STIL: variants seen among roughly 807,000 people sequenced by gnomAD.
STIL encodes the protein STIL centriolar assembly protein.
In STIL, 55 loss-of-function variants were observed where a neutral mutation model predicts 110.1. That is an observed-to-expected ratio of 0.50 (90% CI 0.40 to 0.63). The LOEUF (loss-of-function observed/expected upper bound fraction) is 0.63. Among genes scored for constraint, STIL ranks in the 20% least tolerant of loss-of-function variants. The pLI is 0.00. For synonymous variants in STIL, 481 were observed against 530.0 expected (o/e 0.91, Z 1.27); for missense variants, 1,358 against 1,530.0 (o/e 0.89, Z 1.87).
intron 16 of STIL, among the ~76,000 whole-genome samples, chr1:47,258,320 C>T (rs913907839): frequency 6.6e-6 from 1 of 152,210 alleles, no homozygotes; most frequent in African/African-American, 2.4e-5. Flanking sequence ...AATGCACATA[C>T]TCTTTGATCC....
Position 47,300,046 on chromosome 1 carries a change from T to C in STIL, c.560A>G (p.Asp187Gly), listed in dbSNP as rs1370438405. 7 of 1,614,014 alleles carry C rather than the reference T, an allele frequency of 4.3e-6. No homozygotes were observed. The Admixed American group carries it at 1.2e-4, about 27-fold the overall frequency. The change falls in exon 6 of 17, where the codon GAC becomes GGC. Residue 187 changes from aspartate to glycine, a missense_variant. Transcript: ENST00000371877. Reference protein sequence around the residue: ...SRESLDSVEFDLHWAAVTLAN... With the variant: ...SRESLDSVEFGLHWAAVTLAN... Reference sequence around the variant, plus strand: ...TAGAGTTACTGCTGCCCAATGCAAGTCAAATTCCACACTGTCCAAACTCTC... The same window carrying C: ...TAGAGTTACTGCTGCCCAATGCAAGCCAAATTCCACACTGTCCAAACTCTC...
At chr1:47,277,841 G>GA (rs200788016) in intron 12 of STIL, among the ~76,000 whole-genome samples, 8 of 150,162 alleles carry the variant, frequency 5.3e-5, no homozygotes, top group African/African-American at 1.7e-4. Context: ...GTGAACAACT[G>GA]AAAAAAAAAT....
At position 47,280,612 on chromosome 1, in the gene STIL, G is replaced by C. The variant is rs1486923111; in HGVS notation, c.1846C>G (p.Pro616Ala). 7.4e-6 allele frequency: 12 copies of C among 1,614,214 alleles called. No individual in the cohort carries two copies. Among genetic ancestry groups the C allele is most frequent in the Admixed American group, 1.7e-5 (1 of 60,024 alleles). Residue 616 changes from proline to alanine, a missense_variant, in exon 12 of 17, where the codon CCG becomes GCG. Transcript: ENST00000371877. The stretch of plus-strand genomic sequence containing the variant: ...TTTGCTCCTTGCCAAGAATTTAGCG[G>C]ACTATATTGAATATGACTATGATGC... ...CQHHSHIQYSPLNSWQGANTV... is the reference protein window; with the variant it reads ...CQHHSHIQYSALNSWQGANTV...
intron 12 of STIL, among the ~76,000 whole-genome samples, chr1:47,276,395 CGCATAT>C (rs1644991793): frequency 1.3e-5 from 2 of 151,920 alleles, no homozygotes; most frequent in South Asian, 4.2e-4. Context: ...AAATACCACA[CGCATAT>C]GCATATACAT....
At chr1:47,289,077 A>AAC (rs1345185212) in intron 9 of STIL, among the ~76,000 whole-genome samples, 7 of 150,180 alleles carry the variant, frequency 4.7e-5, no homozygotes, top group Admixed American at 1.3e-4. Context: ...AAAAAAAAAA[A>AAC]AAAAAAAAAC....
At chr1:47,296,153 TA>T in intron 6 of STIL, among the ~76,000 whole-genome samples, 1 of 152,354 alleles carries the variant, frequency 6.6e-6, no homozygotes, top group African/African-American at 2.4e-5. Flanking sequence ...TCAAGAGTGT[TA>T]ACATTAAGGT....
intron 2 of STIL, among the ~76,000 whole-genome samples, chr1:47,309,563 A>G (rs1646063009): frequency 6.6e-6 from 1 of 152,230 alleles, no homozygotes; most frequent in African/African-American, 2.4e-5. Flanking sequence ...AAAGAAAGAC[A>G]TTACAGAGAA....
At position 47,289,595 on chromosome 1, in the gene STIL, A is replaced by G. The variant is rs765910290; in HGVS notation, c.873-10T>C. ...AGATTCTGAAAAAACCCTGCACAAAAAAAGTCATTTAATTAAAATTTAATG... is the reference window on the plus strand; with the variant it reads ...AGATTCTGAAAAAACCCTGCACAAAGAAAGTCATTTAATTAAAATTTAATG... On this transcript the variant is annotated splice_polypyrimidine_tract_variant and intron_variant, in intron 8 of 16. Coordinates refer to ENST00000371877, the MANE Select transcript of STIL (RefSeq NM_001048166.1). The G allele has an allele frequency of 6.2e-7, 1 of 1,610,424 alleles. No homozygotes were observed. Among genetic ancestry groups the G allele is most frequent in the South Asian group, 1.1e-5 (1 of 90,952 alleles).
At chr1:47,259,285 CTT>C (rs3043082) in intron 16 of STIL, among the ~76,000 whole-genome samples, 4 of 76,092 alleles carry the variant, frequency 5.3e-5, no homozygotes, top group Admixed American at 1.8e-4. Flanking sequence ...CGCGCCCGGC[CTT>C]TTTTTTTTTT....
intron 2 of STIL, among the ~76,000 whole-genome samples, chr1:47,306,632 T>C (rs1056587293): frequency 9.2e-5 from 14 of 152,218 alleles, no homozygotes; most frequent in Non-Finnish European, 1.3e-4. Context: ...AAAAACTTAA[T>C]AAATTCTTAA....
At chr1:47,294,659 T>C (rs1645591089) in intron 7 of STIL, among the ~76,000 whole-genome samples, 1 of 152,234 alleles carries the variant, frequency 6.6e-6, no homozygotes, top group Non-Finnish European at 1.5e-5. Context: ...CACTCCAGCC[T>C]GTGTGACAAA....
intron 6 of STIL, among the ~76,000 whole-genome samples, chr1:47,296,634 T>A (rs112573578): frequency 4.0e-5 from 6 of 151,600 alleles, no homozygotes; most frequent in African/African-American, 1.5e-4. Flanking sequence ...CAAAACCCCA[T>A]CTCTACTGAA....
intron 2 of STIL, among the ~76,000 whole-genome samples, chr1:47,307,609 A>T (rs1645999046): frequency 6.6e-6 from 1 of 152,170 alleles, no homozygotes; most frequent in Admixed American, 6.5e-5. Flanking sequence ...AATTGCGTTA[A>T]CTACACAAAT....
chr1:47,265,848 G>A (rs529788214), intron 14 of STIL, among the ~76,000 whole-genome samples: 2 of 149,992 alleles, frequency 1.3e-5, no homozygotes, highest in South Asian at 2.1e-4. Flanking sequence ...GTGCAGTGGC[G>A]TGATCACAGC....
At chr1:47,269,954 T>C in intron 13 of STIL, 88 bp from the exon 14 acceptor site, 1 of 1,276,500 alleles carries the variant, frequency 7.8e-7, no homozygotes, top group African/African-American at 1.5e-5. Context: ...ATAGCCATAT[T>C]GGCTGGGTGC....
At chr1:47,303,902 T>C (rs777800188) in intron 3 of STIL, among the ~76,000 whole-genome samples, 2 of 152,226 alleles carry the variant, frequency 1.3e-5, no homozygotes, top group Non-Finnish European at 2.9e-5. Context: ...ATCTGAATAC[T>C]GCTACATTGC....
intron 6 of STIL, among the ~76,000 whole-genome samples, chr1:47,299,610 C>T (rs1188181038): frequency 1.1e-4 from 16 of 152,056 alleles, no homozygotes; most frequent in Non-Finnish European, 1.5e-5. Flanking sequence ...CCAGACTGAT[C>T]TGCAACTCCT....
intron 13 of STIL, among the ~76,000 whole-genome samples, chr1:47,270,286 A>ACACC (rs1644797243): frequency 6.6e-6 from 1 of 151,414 alleles, no homozygotes; most frequent in Non-Finnish European, 1.5e-5. Flanking sequence ...ACACACACAC[A>ACACC]CACACACAAT....
chr1:47,307,624 C>CATGTGTGTAGTTTG (rs1287442739), intron 2 of STIL, among the ~76,000 whole-genome samples: 2 of 151,984 alleles, frequency 1.3e-5, no homozygotes, highest in East Asian at 3.9e-4. Context: ...ACAAATTGTA[C>CATGTGTGTAGTTTG]AGCATGTGTG....
Sources: gnomAD v4.1 joint callset for allele counts (sites outside exome capture counted in the v4.1 genomes callset) on GRCh38, gnomAD v4.1.1 for gene constraint, MANE v1.5 for transcripts, NCBI Gene and HGNC (gene_info 2026-07-23, HGNC 2026-07-21) for gene names.